The following RNF150 variants were observed in gnomAD, a reference collection of about 807,000 sequenced individuals.
The protein encoded by RNF150 is ring finger protein 150.
A neutral mutation model predicts 39.3 loss-of-function variants in RNF150; 24 were observed. The observed-to-expected ratio is 0.61, with a 90% CI of 0.44 to 0.86. The LOEUF (loss-of-function observed/expected upper bound fraction) is 0.86. Among genes scored for constraint, RNF150 ranks in the 40% least tolerant of loss-of-function variants. The pLI is 0.00. For synonymous variants in RNF150, 255 were observed against 227.3 expected (o/e 1.12, Z -1.10); for missense variants, 502 against 587.8 (o/e 0.85, Z 1.51).
At chr4:141,209,856 AC>A (rs2111229135) in intron 1 of RNF150, among the ~76,000 whole-genome samples, 1 of 152,238 alleles carries the variant, frequency 6.6e-6, no homozygotes, top group African/African-American at 2.4e-5. Flanking sequence ...ACAAAAAAGA[AC>A]CCTATAATTT....
At chr4:141,068,345 A>T (rs1223804900) in intron 1 of RNF150, among the ~76,000 whole-genome samples, 3 of 152,190 alleles carry the variant, frequency 2.0e-5, no homozygotes, top group Admixed American at 2.0e-4. Context: ...AGTAGTTCCC[A>T]GGTTATTACT....
At chr4:140,983,912 G>A (rs1733940584) in intron 1 of RNF150, among the ~76,000 whole-genome samples, 1 of 151,720 alleles carries the variant, frequency 6.6e-6, no homozygotes, top group African/African-American at 2.4e-5. Context: ...GCTAATTTTT[G>A]TATTTTTAGT....
chr4:141,007,191 T>C (rs1734899759), intron 1 of RNF150, among the ~76,000 whole-genome samples: 3 of 152,218 alleles, frequency 2.0e-5, no homozygotes, highest in Admixed American at 2.0e-4. Flanking sequence ...CTGAAAGAAC[T>C]TCAAGGCAGC....
rs1014838821 is a variant in RNF150, at chr4:140,865,547, T to G, written c.*2714A>C. 6.8e-6 allele frequency: 1 copy of G among 147,556 alleles called. No individual in the cohort carries two copies. Among genetic ancestry groups the G allele is most frequent in the Non-Finnish European group, 1.5e-5 (1 of 67,186 alleles). 9.1% of individuals were successfully genotyped at this position (147,556 alleles called of 1,614,324 possible). On this transcript the variant is annotated 3_prime_UTR_variant, in exon 7 of 7. Coordinates refer to ENST00000515673, the MANE Select transcript of RNF150 (RefSeq NM_020724.2). ...GAGAAACTTTCTGGTTAAGCTTTTT[T>G]TTTTTCTTTTTTTTTTTTTTTTTAA... is the stretch of plus-strand genomic sequence containing the variant.
At chr4:140,925,724 A>G (rs2111320848) in intron 5 of RNF150, among the ~76,000 whole-genome samples, 1 of 152,268 alleles carries the variant, frequency 6.6e-6, no homozygotes, top group East Asian at 1.9e-4. Flanking sequence ...AGAGAAGCCA[A>G]TGAGCTGCAC....
chr4:141,099,411 A>C (rs1738923358), intron 1 of RNF150, among the ~76,000 whole-genome samples: 2 of 152,162 alleles, frequency 1.3e-5, no homozygotes, highest in African/African-American at 4.8e-5. Flanking sequence ...CTGGCTCAGA[A>C]AGCAGAAAAA....
At chr4:141,027,790 A>G (rs1159484779) in intron 1 of RNF150, among the ~76,000 whole-genome samples, 3 of 152,166 alleles carry the variant, frequency 2.0e-5, no homozygotes, top group Non-Finnish European at 4.4e-5. Flanking sequence ...GGATTGCATG[A>G]ATATAATCTA....
intron 6 of RNF150, among the ~76,000 whole-genome samples, chr4:140,870,613 C>G (rs767282923): frequency 6.6e-6 from 1 of 152,064 alleles, no homozygotes; most frequent in Non-Finnish European, 1.5e-5. Context: ...GTTTTCTCAG[C>G]AGGGTCGTGG....
chr4:141,070,087 A>T (rs1737632122), intron 1 of RNF150, among the ~76,000 whole-genome samples: 1 of 152,128 alleles, frequency 6.6e-6, no homozygotes, highest in Non-Finnish European at 1.5e-5. Context: ...CATACCTACA[A>T]CTATCTGATC....
chr4:141,138,718 A>G (rs1166195141), intron 1 of RNF150, among the ~76,000 whole-genome samples: 1 of 152,174 alleles, frequency 6.6e-6, no homozygotes, highest in Non-Finnish European at 1.5e-5. Context: ...GGCCTGCCAC[A>G]TGGGCAATTT....
At chr4:141,012,697 C>T (rs1022970015) in intron 1 of RNF150, among the ~76,000 whole-genome samples, 13 of 147,176 alleles carry the variant, frequency 8.8e-5, no homozygotes, top group Admixed American at 2.8e-4. Flanking sequence ...GCAGGAGAAT[C>T]GCTTGAACCC....
chr4:140,971,804 A>AGGTTC, intron 1 of RNF150, among the ~76,000 whole-genome samples: 1 of 152,178 alleles, frequency 6.6e-6, no homozygotes, highest in South Asian at 2.1e-4. Flanking sequence ...AATTCAAACC[A>AGGTTC]GGTTGTTTAG....
chr4:141,000,044 GAAGAAGAAGAAGAAGAAGAAGAAGA>G (rs1734584992), intron 1 of RNF150, among the ~76,000 whole-genome samples: 1 of 75,452 alleles, frequency 1.3e-5, no homozygotes, highest in Non-Finnish European at 3.1e-5. Flanking sequence ...AGAAGAAGAA[GAAGAAGAAGAAGAAGAAGAAGAAGA>G]AGAAGAAGAA....
chr4:141,089,165 A>G (rs1011103068), intron 1 of RNF150, among the ~76,000 whole-genome samples: 3 of 152,184 alleles, frequency 2.0e-5, no homozygotes, highest in African/African-American at 7.2e-5. Context: ...CTCAAGACAG[A>G]TAAATCTGAC....
Position 141,103,360 on chromosome 4 carries a change from A to G in RNF150, c.484+28965T>C, listed in dbSNP as rs1279742532. Among the ~76,000 whole-genome samples the G allele has an allele frequency of 2.6e-5, 4 of 152,314 alleles. No individual in the cohort carries two copies. The East Asian group carries it at 7.7e-4, about 29-fold the overall frequency. Reference sequence around the variant, plus strand: ...CTTCCTTTTAATGATGGCTTCTATGAGCTAAAAACAGAAATAATAAGTAAC... The same window carrying G: ...CTTCCTTTTAATGATGGCTTCTATGGGCTAAAAACAGAAATAATAAGTAAC... On this transcript the variant is annotated intron_variant, in intron 1 of 6. Transcript: ENST00000515673.
chr4:141,117,470 G>A (rs1012991734), intron 1 of RNF150, among the ~76,000 whole-genome samples: 2 of 152,046 alleles, frequency 1.3e-5, no homozygotes, highest in African/African-American at 4.8e-5. Flanking sequence ...AAAGAAATAG[G>A]CTATAACCTA....
chr4:141,210,050 A>G (rs1728437705), intron 1 of RNF150, among the ~76,000 whole-genome samples: 1 of 36,748 alleles, frequency 2.7e-5, no homozygotes, highest in Non-Finnish European at 5.5e-5. Flanking sequence ...TTAGTCACAG[A>G]TAATTGTCTA....
intron 1 of RNF150, among the ~76,000 whole-genome samples, chr4:141,059,492 G>T (rs1345580101): frequency 6.6e-6 from 1 of 151,884 alleles, no homozygotes; most frequent in Non-Finnish European, 1.5e-5. Flanking sequence ...TCAGAAGTTT[G>T]ATGGTTTTGC....
intron 1 of RNF150, among the ~76,000 whole-genome samples, chr4:140,970,838 A>G (rs1333868332): frequency 6.6e-6 from 1 of 152,182 alleles, no homozygotes; most frequent in East Asian, 1.9e-4. Context: ...CTGAGCTTCA[A>G]CCTTATTCAT....
Sources: allele counts gnomAD v4.1 joint callset (sites outside exome capture counted in the v4.1 genomes callset), GRCh38; gene constraint gnomAD v4.1.1; transcripts MANE v1.5; gene names NCBI Gene and HGNC (gene_info 2026-07-23, HGNC 2026-07-21).